The following PPARGC1A variants were observed in gnomAD, a reference collection of about 807,000 sequenced individuals.
PPARGC1A encodes the protein PPARG coactivator 1 alpha, also known as peroxisome proliferator-activated receptor gamma coactivator 1-alpha.
A neutral mutation model predicts 88.7 loss-of-function variants in PPARGC1A; 25 were observed. The observed-to-expected ratio is 0.28, with a 90% CI of 0.21 to 0.39. PPARGC1A has a LOEUF of 0.39. PPARGC1A is among the 10% of genes least tolerant of loss of function. PPARGC1A has a pLI of 1.00. For missense variants in PPARGC1A, 880 were observed against 968.7 expected, an observed-to-expected ratio of 0.91 and a Z score of 1.22; for synonymous variants, 363 against 355.6, an observed-to-expected ratio of 1.02 and a Z score of -0.24.
At position 23,814,589 on chromosome 4, in the gene PPARGC1A, G is replaced by C; in HGVS notation, c.894C>G (p.Thr298=). The change falls in exon 8 of 13, where the codon ACC becomes ACG. Residue 298 remains threonine (T), a synonymous_variant. Coordinates refer to ENST00000264867, the MANE Select transcript of PPARGC1A (RefSeq NM_013261.5). The part of the protein sequence containing the change: ...LSGTAGLTPP[T]TPPHKANQDN... ...CTTGGTTGGCTTTATGAGGAGGAGTGGTGGGTGGAGTTAGGCCTAAGGCAA... is the reference window on the plus strand; with the variant it reads ...CTTGGTTGGCTTTATGAGGAGGAGTCGTGGGTGGAGTTAGGCCTAAGGCAA... The C allele has an allele frequency of 3.2e-6, 5 of 1,577,194 alleles. No homozygotes were observed. Among genetic ancestry groups the C allele is most frequent in the Non-Finnish European group, 4.3e-6 (5 of 1,167,210 alleles).
At chr4:24,179,454 C>T in the PPARGC1A span, among the ~76,000 whole-genome samples, 2 of 152,076 alleles carry the variant, frequency 1.3e-5, no homozygotes, top group Non-Finnish European at 1.5e-5. Flanking sequence ...AGTTCTGCGG[C>T]TCAAAAGGTC....
the PPARGC1A span, among the ~76,000 whole-genome samples, chr4:24,366,571 G>A: frequency 6.6e-6 from 1 of 152,048 alleles, no homozygotes; most frequent in Non-Finnish European, 1.5e-5. Flanking sequence ...AAGAGAATTG[G>A]GTGACACAAA....
At chr4:24,429,314 C>T in the PPARGC1A span, among the ~76,000 whole-genome samples, 1,967 of 152,220 alleles carry the variant, frequency 0.013, 42 homozygotes, top group African/African-American at 0.043. Context: ...TTTATATTTC[C>T]TGAGTTCTTT....
At chr4:23,903,451 T>A (rs1485300820), upstream of PPARGC1A, among the ~76,000 whole-genome samples, 1 of 152,210 alleles carries the variant, frequency 6.6e-6, no homozygotes, top group Non-Finnish European at 1.5e-5. Flanking sequence ...CCTTCTGCAA[T>A]TGTTGGTAAC....
At chr4:23,823,689 A>T (rs2109591924) in intron 7 of PPARGC1A, among the ~76,000 whole-genome samples, 1 of 152,208 alleles carries the variant, frequency 6.6e-6, no homozygotes, top group African/African-American at 2.4e-5. Context: ...CTATAAAAAT[A>T]TGTATATATG....
chr4:23,988,415 GTTCCTAT>G, the PPARGC1A span, among the ~76,000 whole-genome samples: 4 of 152,004 alleles, frequency 2.6e-5, no homozygotes, highest in Admixed American at 2.6e-4. Flanking sequence ...GTGTAAAAGT[GTTCCTAT>G]TTCTCCACAT....
At chr4:23,974,799 A>ATTTTTTTTTTTTTTTTTTTTTTTTTTT in the PPARGC1A span, among the ~76,000 whole-genome samples, 23 of 61,122 alleles carry the variant, frequency 3.8e-4, no homozygotes, top group Admixed American at 6.6e-4. Context: ...GGCCCGGCTA[A>ATTTTTTTTTTTTTTTTTTTTTTTTTTT]TTTTTTTTTT....
the PPARGC1A span, among the ~76,000 whole-genome samples, chr4:24,023,404 C>T: frequency 6.6e-6 from 1 of 152,076 alleles, no homozygotes; most frequent in African/African-American, 2.4e-5. Context: ...AGATAAGGGC[C>T]AACTGAGATC....
At chr4:24,198,055 T>C in the PPARGC1A span, among the ~76,000 whole-genome samples, 26,588 of 152,140 alleles carry the variant, frequency 0.17, 3,121 homozygotes, top group Non-Finnish European at 0.26. Context: ...CCTCCTTCAC[T>C]TCATACTTCT....
the PPARGC1A span, among the ~76,000 whole-genome samples, chr4:23,948,472 T>A: frequency 1.3e-5 from 2 of 152,242 alleles, no homozygotes; most frequent in South Asian, 4.1e-4. Context: ...AACTCCCATT[T>A]TTATAGCCTA....
the PPARGC1A span, among the ~76,000 whole-genome samples, chr4:24,179,783 C>T: frequency 1.3e-5 from 2 of 152,134 alleles, no homozygotes; most frequent in Non-Finnish European, 2.9e-5. Flanking sequence ...TAAAAATGTA[C>T]TTCAGATAGT....
At chr4:24,409,434 G>T in the PPARGC1A span, among the ~76,000 whole-genome samples, 1 of 152,306 alleles carries the variant, frequency 6.6e-6, no homozygotes, top group East Asian at 1.9e-4. Context: ...TATGTGCAAA[G>T]AATTTTTTTT....
chr4:24,052,039 AG>A, the PPARGC1A span, among the ~76,000 whole-genome samples: 71,513 of 151,896 alleles, frequency 0.47, 18,115 homozygotes, highest in Non-Finnish European at 0.57. Flanking sequence ...ATAAAGGGTA[AG>A]GGGCATCAAA....
At chr4:23,828,631 A>G (rs778781423) in intron 4 of PPARGC1A, 27 bp from the exon 5 acceptor site, 5 of 1,602,654 alleles carry the variant, frequency 3.1e-6, no homozygotes, top group Non-Finnish European at 4.3e-6. Flanking sequence ...AAAGAAAGCT[A>G]AAATTAGTGA....
At chr4:24,433,201 G>A in the PPARGC1A span, among the ~76,000 whole-genome samples, 9 of 152,084 alleles carry the variant, frequency 5.9e-5, no homozygotes, top group Non-Finnish European at 1.3e-4. Context: ...CTGCCAGATT[G>A]ACTTTTTCTC....
the PPARGC1A span, among the ~76,000 whole-genome samples, chr4:24,202,638 CTCTCT>C: frequency 6.6e-6 from 1 of 152,174 alleles, no homozygotes; most frequent in East Asian, 1.9e-4. Context: ...TATGAGTCAA[CTCTCT>C]TCTTCCTTTG....
the PPARGC1A span, among the ~76,000 whole-genome samples, chr4:23,912,021 C>G: frequency 2.0e-5 from 3 of 152,096 alleles, no homozygotes; most frequent in Non-Finnish European, 4.4e-5. Flanking sequence ...AAAGCTTGAA[C>G]CACAAAGAGA....
chr4:24,054,283 C>T, the PPARGC1A span, among the ~76,000 whole-genome samples: 1 of 140,336 alleles, frequency 7.1e-6, no homozygotes, highest in African/African-American at 2.7e-5. Flanking sequence ...GGAAGTGAAA[C>T]ACATCTTTCT....
At chr4:24,043,322 C>A in the PPARGC1A span, among the ~76,000 whole-genome samples, 1 of 152,196 alleles carries the variant, frequency 6.6e-6, no homozygotes, top group Non-Finnish European at 1.5e-5. Flanking sequence ...TCCAACTCAA[C>A]TTGTTCAAAC....
Sources: gnomAD v4.1 joint callset for allele counts (sites outside exome capture counted in the v4.1 genomes callset) on GRCh38, gnomAD v4.1.1 for gene constraint, MANE v1.5 for transcripts, NCBI Gene and HGNC (gene_info 2026-07-23, HGNC 2026-07-21) for gene names.